Variants in TMPRSS7 observed in about 807,000 individuals in gnomAD.
TMPRSS7 encodes the protein transmembrane serine protease 7.
TMPRSS7 carries 81 observed loss-of-function variants against 95.6 expected under a neutral mutation model. The ratio of observed to expected loss-of-function variants is 0.85; its 90% CI spans 0.71 to 1.02. The LOEUF is 1.02. TMPRSS7 is among the 50% of genes least tolerant of loss of function. The probability of loss-of-function intolerance (pLI) is 0.00; values close to 1 mark genes in which losing one functional copy is unlikely to be tolerated. For missense variants in TMPRSS7, 945 were observed against 955.2 expected (o/e 0.99, Z 0.14); for synonymous variants, 364 against 337.8 (o/e 1.08, Z -0.85).
chr3:112,054,436 C>G (rs1471369821), intron 9 of TMPRSS7, among the ~76,000 whole-genome samples: 1 of 152,212 alleles, frequency 6.6e-6, no homozygotes, highest in African/African-American at 2.4e-5. Context: ...ACCCCTCTGT[C>G]TGTCAAGCAG....
At position 112,072,705 on chromosome 3, in the gene TMPRSS7, C is replaced by T. The variant is rs55753652; in HGVS notation, c.1667-1591C>T. ...GACGCCCCTCCCTCAGCCAGGCTGC[C>T]GCCTGGCAGTTGGATCTCAGACTGC... On this transcript the variant is annotated intron_variant, in intron 13 of 17. Transcript: ENST00000452346. 1.7e-4 allele frequency among the ~76,000 whole-genome samples: 26 copies of T among 152,334 alleles called. No individual in the cohort carries two copies. The East Asian group carries it at 1.9e-3, about 11-fold the overall frequency.
intron 1 of TMPRSS7, among the ~76,000 whole-genome samples, chr3:112,035,633 T>C (rs1553761870): frequency 6.6e-6 from 1 of 152,214 alleles, no homozygotes; most frequent in Non-Finnish European, 1.5e-5. Context: ...TCCATATTGT[T>C]GCCTTTAAAA....
At chr3:112,070,776 T>TTTATTATTA (rs201190006) in intron 13 of TMPRSS7, among the ~76,000 whole-genome samples, 3 of 151,796 alleles carry the variant, frequency 2.0e-5, no homozygotes, top group African/African-American at 7.3e-5. Context: ...TCTTGACTCT[T>TTTATTATTA]TTATTATTAT....
At chr3:112,072,705 C>CGCCTGGCAGTTGGATCTCAGACTGCT (rs2073665425) in intron 13 of TMPRSS7, among the ~76,000 whole-genome samples, 1 of 152,216 alleles carries the variant, frequency 6.6e-6, no homozygotes, top group Admixed American at 6.5e-5. Flanking sequence ...GCCAGGCTGC[C>CGCCTGGCAGTTGGATCTCAGACTGCT]GCCTGGCAGT....
At chr3:112,057,172 T>G (rs1003734961) in intron 10 of TMPRSS7, 41 bp downstream of exon 10, 9 of 1,429,046 alleles carry the variant, frequency 6.3e-6, no homozygotes, top group Admixed American at 1.7e-5. Flanking sequence ...AGGCATCTGA[T>G]GAAAAGTTCA....
At chr3:112,061,757 G>A (rs1348220402) in intron 10 of TMPRSS7, 30 bp from the exon 11 acceptor site, 7 of 1,577,990 alleles carry the variant, frequency 4.4e-6, no homozygotes, top group Middle Eastern at 1.7e-4. Context: ...ACCTCAAGCT[G>A]TGTATTCTCC....
At position 112,074,557 on chromosome 3, in the gene TMPRSS7, CT is replaced by C. The variant is rs2073690358; in HGVS notation, c.1783+146del. 3 of 516,836 alleles carry C rather than the reference CT, an allele frequency of 5.8e-6. No homozygotes were observed. In the East Asian group the frequency reaches 9.4e-5, roughly 16 times the overall value. The allele number at this position is 516,836 out of a possible 1,614,324, so 32.0% of individuals were successfully genotyped here. A position where few individuals can be genotyped will look rare whatever the true frequency, so the allele number is the denominator to read the frequency against. The stretch of plus-strand genomic sequence containing the variant: ...AATAGTAACTATTGACAAACTGAGT[CT>C]GAAATTGTTTCTCAGAAATAAAAAC... On this transcript the variant is annotated intron_variant, in intron 14 of 17. Transcript: ENST00000452346.
At chr3:112,066,622 T>G (rs906985665) in intron 13 of TMPRSS7, 120 bp downstream of exon 13, 2 of 854,718 alleles carry the variant, frequency 2.3e-6, no homozygotes, top group African/African-American at 3.4e-5. Context: ...TCTCTGGAAC[T>G]TCTCCAGTTT....
At chr3:112,046,772 A>T (rs1255494528) in intron 5 of TMPRSS7, among the ~76,000 whole-genome samples, 1 of 152,202 alleles carries the variant, frequency 6.6e-6, no homozygotes, top group East Asian at 1.9e-4. Context: ...CAACCTCGAC[A>T]ACTACCAACT....
intron 11 of TMPRSS7, among the ~76,000 whole-genome samples, chr3:112,062,774 G>A (rs114209973): frequency 1.7e-4 from 26 of 152,224 alleles, no homozygotes; most frequent in African/African-American, 5.3e-4. Flanking sequence ...ATGTGCCATT[G>A]AAATAGTGTT....
At chr3:112,069,156 T>G (rs930345785) in intron 13 of TMPRSS7, among the ~76,000 whole-genome samples, 5 of 152,192 alleles carry the variant, frequency 3.3e-5, no homozygotes, top group Admixed American at 1.3e-4. Context: ...ACCAGCCTTG[T>G]GTCCCAAAGA....
At chr3:112,050,120 A>G (rs1411112723) in intron 8 of TMPRSS7, 146 bp downstream of exon 8, 1 of 742,156 alleles carries the variant, frequency 1.3e-6, no homozygotes, top group East Asian at 3.1e-5. Flanking sequence ...GAGAGACCAT[A>G]TTAGTTATTT....
At chr3:112,036,272 T>C (rs1370214351) in intron 1 of TMPRSS7, among the ~76,000 whole-genome samples, 1 of 152,128 alleles carries the variant, frequency 6.6e-6, no homozygotes, top group African/African-American at 2.4e-5. Flanking sequence ...CACACACATA[T>C]ACTAAAAGGA....
At chr3:112,061,740 C>A (rs771864037) in intron 10 of TMPRSS7, 47 bp from the exon 11 acceptor site, 1 of 1,543,378 alleles carries the variant, frequency 6.5e-7, no homozygotes, top group South Asian at 1.3e-5. Flanking sequence ...GGAATTCAGT[C>A]GACAGAACCT....
At chr3:112,039,320 G>A (rs1471088539) in intron 2 of TMPRSS7, among the ~76,000 whole-genome samples, 1 of 152,178 alleles carries the variant, frequency 6.6e-6, no homozygotes, top group Non-Finnish European at 1.5e-5. Context: ...CTAACATTCT[G>A]TAACTTCCTG....
intron 6 of TMPRSS7, among the ~76,000 whole-genome samples, 182 bp downstream of exon 6, chr3:112,047,194 T>A (rs1240301261): frequency 6.6e-6 from 1 of 152,022 alleles, no homozygotes; most frequent in African/African-American, 2.4e-5. Context: ...ATACATGGAG[T>A]GTGCTGGCGT....
chr3:112,074,559 G>C (rs879055630), intron 14 of TMPRSS7, 147 bp downstream of exon 14: 2 of 512,056 alleles, frequency 3.9e-6, no homozygotes, highest in South Asian at 4.5e-5. Flanking sequence ...AACTGAGTCT[G>C]AAATTGTTTC....
intron 9 of TMPRSS7, 45 bp from the exon 10 acceptor site, chr3:112,056,980 C>G (rs778030364): frequency 7.3e-7 from 1 of 1,371,572 alleles, no homozygotes; most frequent in Non-Finnish European, 1.0e-6. Context: ...TAAATACATA[C>G]TTTGATTGAA....
chr3:112,070,776 TTTA>T (rs201190006), intron 13 of TMPRSS7, among the ~76,000 whole-genome samples: 2 of 151,756 alleles, frequency 1.3e-5, no homozygotes, highest in African/African-American at 2.4e-5. Context: ...TCTTGACTCT[TTTA>T]TTATTATTAT....
Sources: gnomAD v4.1 joint callset for allele counts (sites outside exome capture counted in the v4.1 genomes callset) on GRCh38, gnomAD v4.1.1 for gene constraint, MANE v1.5 for transcripts, NCBI Gene and HGNC (gene_info 2026-07-23, HGNC 2026-07-21) for gene names.